The following MCU variants were observed in gnomAD, a reference collection of about 807,000 sequenced individuals.
MCU encodes mitochondrial calcium uniporter, also known as calcium uniporter protein, mitochondrial.
MCU carries 12 observed loss-of-function variants against 45.2 expected under a neutral mutation model. That is an observed-to-expected ratio of 0.27 (90% CI 0.17 to 0.43). The LOEUF (loss-of-function observed/expected upper bound fraction) is 0.43, where lower values mean the gene tolerates loss of function less well. MCU is among the 20% of genes least tolerant of loss of function. The pLI, the probability that MCU is intolerant of heterozygous loss-of-function variation, is 1.00. For synonymous variants in MCU, 160 were observed against 165.1 expected, an observed-to-expected ratio of 0.97 and a Z score of 0.24; for missense variants, 324 against 436.7, an observed-to-expected ratio of 0.74 and a Z score of 2.30.
chr10:72,778,575 A>G (rs902857945), intron 1 of MCU, among the ~76,000 whole-genome samples: 5 of 152,170 alleles, frequency 3.3e-5, no homozygotes, highest in African/African-American at 1.2e-4. Flanking sequence ...ACAAAAGAAT[A>G]TAAAGTGGTA....
chr10:72,823,359 A>G (rs1411317530), intron 1 of MCU, among the ~76,000 whole-genome samples: 3 of 152,206 alleles, frequency 2.0e-5, no homozygotes, highest in Non-Finnish European at 4.4e-5. Context: ...GCAAATAAGC[A>G]TCTGCTGGTC....
intron 1 of MCU, among the ~76,000 whole-genome samples, chr10:72,703,340 C>G (rs1842781401): frequency 6.6e-6 from 1 of 152,160 alleles, no homozygotes; most frequent in Non-Finnish European, 1.5e-5. Context: ...AGAGTCACAG[C>G]TGTTAAGTGA....
chr10:72,698,875 C>G (rs1378541069), intron 1 of MCU, among the ~76,000 whole-genome samples: 8 of 152,128 alleles, frequency 5.3e-5, no homozygotes, highest in Non-Finnish European at 1.0e-4. Context: ...CTGATCATGG[C>G]TCACCGCAGC....
At chr10:72,873,310 G>A (rs566106104) in intron 6 of MCU, among the ~76,000 whole-genome samples, 1 of 152,190 alleles carries the variant, frequency 6.6e-6, no homozygotes, top group Non-Finnish European at 1.5e-5. Context: ...GAGCGACCGT[G>A]CCCTGCCTTC....
At chr10:72,845,388 G>T (rs1845105978) in intron 2 of MCU, among the ~76,000 whole-genome samples, 1 of 152,040 alleles carries the variant, frequency 6.6e-6, no homozygotes, top group Non-Finnish European at 1.5e-5. Flanking sequence ...GGAAAATCTG[G>T]TTTTTCGATA....
At chr10:72,715,671 T>C (rs1411132205) in intron 1 of MCU, among the ~76,000 whole-genome samples, 1 of 152,218 alleles carries the variant, frequency 6.6e-6, no homozygotes, top group Non-Finnish European at 1.5e-5. Flanking sequence ...TTTGGCTTAA[T>C]ATATGGAAGA....
intron 1 of MCU, among the ~76,000 whole-genome samples, chr10:72,704,700 GA>G (rs1842797007): frequency 7.0e-6 from 1 of 142,098 alleles, no homozygotes; most frequent in Admixed American, 7.3e-5. Flanking sequence ...GTCATGCCTG[GA>G]TAATTTTTTT....
chr10:72,736,381 C>G (rs1843252383), intron 1 of MCU: 1 of 152,172 alleles, frequency 6.6e-6, no homozygotes, highest in African/African-American at 2.4e-5. Context: ...GCCTAGTACC[C>G]CTGTCTAAAG....
chr10:72,761,049 T>C (rs1843649752), intron 1 of MCU, among the ~76,000 whole-genome samples: 2 of 152,172 alleles, frequency 1.3e-5, no homozygotes, highest in African/African-American at 2.4e-5. Context: ...CACCGTAGAA[T>C]GTTATAAGTT....
At chr10:72,866,009 C>A (rs1385184721) in intron 4 of MCU, among the ~76,000 whole-genome samples, 1 of 152,148 alleles carries the variant, frequency 6.6e-6, no homozygotes, top group Admixed American at 6.5e-5. Context: ...GATCTCCTGA[C>A]CTCGTGATCC....
chr10:72,881,466 A>T (rs1845699680), intron 6 of MCU, among the ~76,000 whole-genome samples: 1 of 152,150 alleles, frequency 6.6e-6, no homozygotes, highest in Non-Finnish European at 1.5e-5. Flanking sequence ...AGATGGGAGG[A>T]TCGCTTGAAC....
At chr10:72,800,585 C>A (rs11000417) in intron 1 of MCU, among the ~76,000 whole-genome samples, 3 of 151,926 alleles carry the variant, frequency 2.0e-5, no homozygotes, top group Non-Finnish European at 4.4e-5. Context: ...TTCCAAAAAC[C>A]CTGTCTGTAG....
At chr10:72,849,054 G>T (rs1384277308) in intron 2 of MCU, among the ~76,000 whole-genome samples, 5 of 152,046 alleles carry the variant, frequency 3.3e-5, no homozygotes, top group Non-Finnish European at 7.3e-5. Context: ...GCCGAGACGG[G>T]TGGATCACGA....
intron 6 of MCU, among the ~76,000 whole-genome samples, chr10:72,883,368 A>G (rs1310847589): frequency 1.3e-5 from 2 of 152,226 alleles, no homozygotes; most frequent in Non-Finnish European, 2.9e-5. Context: ...ATTGTATGGT[A>G]TGTGAATTAT....
intron 1 of MCU, among the ~76,000 whole-genome samples, chr10:72,824,148 C>G (rs1463716142): frequency 6.6e-6 from 1 of 151,088 alleles, no homozygotes; most frequent in African/African-American, 2.4e-5. Flanking sequence ...TGGATACAAT[C>G]TGGAAGGAAT....
intron 1 of MCU, among the ~76,000 whole-genome samples, chr10:72,819,758 A>G (rs1041506054): frequency 9.0e-6 from 1 of 110,558 alleles, no homozygotes; most frequent in African/African-American, 3.6e-5. Flanking sequence ...GCACTGAGCC[A>G]TTTGAGCCAT....
At chr10:72,811,440 A>G (rs1844542879) in intron 1 of MCU, among the ~76,000 whole-genome samples, 1 of 152,222 alleles carries the variant, frequency 6.6e-6, no homozygotes, top group Non-Finnish European at 1.5e-5. Context: ...AATATAACCA[A>G]TAGACTTGGT....
rs1369930732 is a variant in MCU at position 72,799,128 on chromosome 10, T to TG, written c.151-35231_151-35230insG. Among the ~76,000 whole-genome samples the TG allele has an allele frequency of 2.0e-5, 3 of 151,650 alleles. No homozygotes were observed. The East Asian group carries it at 5.8e-4, about 29-fold the overall frequency. On this transcript the variant is annotated intron_variant, in intron 1 of 7. Transcript: ENST00000373053. The stretch of plus-strand genomic sequence containing the variant: ...TTTTAGTAGAGACGGGGTTTCACCA[T>TG]ATGGCCAGGCTGGTCTCGAACTCCT...
chr10:72,761,889 T>TTG (rs1477234231), intron 1 of MCU, among the ~76,000 whole-genome samples: 1 of 152,166 alleles, frequency 6.6e-6, no homozygotes, highest in Admixed American at 6.5e-5. Flanking sequence ...CTGTATGCCT[T>TTG]TGTGTACTCA....
Sources: allele counts gnomAD v4.1 joint callset (sites outside exome capture counted in the v4.1 genomes callset), GRCh38; gene constraint gnomAD v4.1.1; transcripts MANE v1.5; gene names NCBI Gene and HGNC (gene_info 2026-07-23, HGNC 2026-07-21).